Variants in RACGAP1 observed in about 807,000 individuals in gnomAD.
RACGAP1 encodes Rac GTPase activating protein 1.
RACGAP1 carries 30 observed loss-of-function variants against 78.1 expected under a neutral mutation model. That is an observed-to-expected ratio of 0.38 (90% CI 0.29 to 0.52). The LOEUF (loss-of-function observed/expected upper bound fraction) is 0.52. RACGAP1 is among the 20% of genes least tolerant of loss of function. The pLI is 0.82. For synonymous variants in RACGAP1, 231 were observed against 264.8 expected (o/e 0.87, Z 1.24); for missense variants, 587 against 777.1 (o/e 0.76, Z 2.91).
upstream of RACGAP1, among the ~76,000 whole-genome samples, chr12:50,028,251 T>C (rs753703003): frequency 6.6e-6 from 1 of 152,238 alleles, no homozygotes; most frequent in Non-Finnish European, 1.5e-5. Flanking sequence ...ATTAAATGAT[T>C]GGACCTCAGG....
intron 2 of RACGAP1, among the ~76,000 whole-genome samples, chr12:50,014,863 CA>C (rs2137580220): frequency 6.6e-6 from 1 of 151,792 alleles, no homozygotes; most frequent in South Asian, 2.1e-4. Flanking sequence ...GCCAACATGA[CA>C]AAACCCCATC....
rs368569774 is a variant in RACGAP1, at chr12:49,990,764, A to G, written c.1743T>C (p.Pro581=). The G allele has an allele frequency of 9.9e-6, 16 of 1,614,134 alleles. No homozygotes were observed. Among genetic ancestry groups the G allele is most frequent in the Non-Finnish European group, 1.4e-5 (16 of 1,179,974 alleles). The part of the protein sequence containing the change: ...KVSLLGPVTT[P]EHQLLKTPSS... ...AAGGAGTCTTGAGAAGCTGATGTTC[A>G]GGAGTGGTCACAGGTCCCAGTAAAC... Residue 581 remains proline, a synonymous_variant, in exon 16 of 17, where the codon CCT becomes CCC. Coordinates refer to ENST00000312377, the MANE Select transcript of RACGAP1 (RefSeq NM_001319999.2).
intron 8 of RACGAP1, 97 bp downstream of exon 8, chr12:49,999,519 C>A: frequency 8.8e-7 from 1 of 1,130,490 alleles, no homozygotes; most frequent in Non-Finnish European, 1.3e-6. Flanking sequence ...CTACCCAATA[C>A]ATCCAATCCC....
At chr12:50,010,507 T>A (rs529596721) in intron 2 of RACGAP1, among the ~76,000 whole-genome samples, 86 of 152,028 alleles carry the variant, frequency 5.7e-4, no homozygotes, top group African/African-American at 2.0e-3. Flanking sequence ...GTATTTTTAG[T>A]AGAGACGGGG....
intron 10 of RACGAP1, among the ~76,000 whole-genome samples, chr12:49,995,463 A>C (rs1409066297): frequency 6.6e-6 from 1 of 152,088 alleles, no homozygotes; most frequent in African/African-American, 2.4e-5. Context: ...GAAGATAGTC[A>C]TTTTGATTCT....
At chr12:50,028,803 C>T (rs1053642585), upstream of RACGAP1, among the ~76,000 whole-genome samples, 1 of 150,838 alleles carries the variant, frequency 6.6e-6, no homozygotes, top group East Asian at 2.0e-4. Flanking sequence ...CAATTATGGC[C>T]GGGCACAGTG....
chr12:49,994,405 G>A lies in RACGAP1; in HGVS notation c.1140+9C>T. The A allele has an allele frequency of 5.0e-6, 8 of 1,613,228 alleles. No homozygotes were observed. The highest frequency in any genetic ancestry group is 6.8e-6 in the Non-Finnish European group (8 of 1,179,854). Reference sequence around the variant, plus strand: ...AACAAATTCACCATCTCCTACAGTTGACTCTTACCTCAGTCAGACCTCTTT... The same window carrying A: ...AACAAATTCACCATCTCCTACAGTTAACTCTTACCTCAGTCAGACCTCTTT... On this transcript the variant is annotated intron_variant, in intron 11 of 16. Transcript: ENST00000312377.
At chr12:50,017,280 CT>C (rs1426612804) in intron 1 of RACGAP1, among the ~76,000 whole-genome samples, 2 of 152,230 alleles carry the variant, frequency 1.3e-5, no homozygotes, top group African/African-American at 2.4e-5. Flanking sequence ...AGAATTATTT[CT>C]GTAATACAGG....
At chr12:50,016,523 TA>T in intron 2 of RACGAP1, 107 bp downstream of exon 2, 1 of 1,184,266 alleles carries the variant, frequency 8.4e-7, no homozygotes, top group Non-Finnish European at 1.2e-6. Context: ...TCTTTTTAGG[TA>T]ACCCAAATGG....
intron 1 of RACGAP1, among the ~76,000 whole-genome samples, chr12:50,025,102 ACT>A (rs1226596571): frequency 3.3e-5 from 5 of 151,386 alleles, no homozygotes; most frequent in African/African-American, 1.2e-4. Flanking sequence ...TGACTGAGAG[ACT>A]CTTGTTTAGG....
chr12:50,010,318 C>CTTTTTTTAACTTT (rs1949236356), intron 2 of RACGAP1, among the ~76,000 whole-genome samples: 2 of 142,674 alleles, frequency 1.4e-5, no homozygotes, highest in African/African-American at 5.2e-5. Flanking sequence ...CTTTTTTTAA[C>CTTTTTTTAACTTT]TTTTTTTTTT....
At chr12:50,011,997 ATGAGCCTATAG>A (rs1949369454) in intron 2 of RACGAP1, among the ~76,000 whole-genome samples, 1 of 150,520 alleles carries the variant, frequency 6.6e-6, no homozygotes, top group African/African-American at 2.4e-5. Flanking sequence ...GTGTAGTGGC[ATGAGCCTATAG>A]TCCCAGCTAC....
chr12:50,025,224 C>T, intron 1 of RACGAP1, 174 bp downstream of exon 1: 4 of 865,462 alleles, frequency 4.6e-6, no homozygotes, highest in Non-Finnish European at 5.5e-6. Flanking sequence ...GTCCATTCGA[C>T]CTGCCACGAC....
In RACGAP1 at chr12:50,006,599, A is replaced by C. The variant is rs1194605887; in HGVS notation, c.123T>G (p.Arg41=). Residue 41 remains arginine, a synonymous_variant, in exon 3 of 17, where the codon CGT becomes CGG. Coordinates refer to ENST00000312377, the MANE Select transcript of RACGAP1 (RefSeq NM_001319999.2). ...CATGGTCAGTCCTCTGCCACTTTTT[A>C]CGGAAATCCTCAAAGTCCTTCGCCA... ...IQLAKDFEDF[R]KKWQRTDHEL... The C allele has an allele frequency of 6.2e-7, 1 of 1,614,044 alleles. No homozygotes were observed. The highest frequency in any genetic ancestry group is 8.5e-7 in the Non-Finnish European group (1 of 1,180,020).
Position 49,990,728 on chromosome 12 carries a change from G to C in RACGAP1, c.1779C>G (p.Ser593=), listed in dbSNP as rs749514632. 2.5e-5 allele frequency: 40 copies of C among 1,613,862 alleles called. No homozygotes were observed. Among genetic ancestry groups the C allele is most frequent in the Non-Finnish European group, 3.3e-5 (39 of 1,179,944 alleles). Residue 593 remains serine (S), a synonymous_variant, in exon 16 of 17, where the codon TCC becomes TCG. Transcript: ENST00000312377. ...GGGTGGAACGGACTCTCTGTGACAG[G>C]GAACTAGATGAAGGAGTCTTGAGAA... ...HQLLKTPSSS[S]LSQRVRSTLT...
At chr12:50,028,630 A>G (rs769985452), upstream of RACGAP1, among the ~76,000 whole-genome samples, 6 of 150,364 alleles carry the variant, frequency 4.0e-5, no homozygotes, top group Non-Finnish European at 7.4e-5. Flanking sequence ...AAATTAGCCA[A>G]GTGTGCTGGT....
intron 2 of RACGAP1, among the ~76,000 whole-genome samples, chr12:50,015,734 G>A (rs1178444978): frequency 2.6e-5 from 4 of 151,532 alleles, no homozygotes; most frequent in Admixed American, 1.3e-4. Flanking sequence ...CCCAGGAGGC[G>A]GAGCTTGCAG....
chr12:49,994,938 T>G (rs76922929), intron 10 of RACGAP1, among the ~76,000 whole-genome samples: 1 of 152,180 alleles, frequency 6.6e-6, no homozygotes, highest in Non-Finnish European at 1.5e-5. Context: ...GTGTATACTT[T>G]CATTATTCTC....
intron 1 of RACGAP1, among the ~76,000 whole-genome samples, chr12:50,032,544 T>C (rs917824973): frequency 6.6e-6 from 1 of 151,708 alleles, no homozygotes; most frequent in Non-Finnish European, 1.5e-5. Context: ...TGAGTGTGTG[T>C]GTGTGTGTGT....
Sources: gnomAD v4.1 joint callset for allele counts (sites outside exome capture counted in the v4.1 genomes callset) on GRCh38, gnomAD v4.1.1 for gene constraint, MANE v1.5 for transcripts, NCBI Gene and HGNC (gene_info 2026-07-23, HGNC 2026-07-21) for gene names.